Variants in STON2 observed in about 807,000 individuals in gnomAD.
STON2 encodes the protein stonin-2.
STON2 carries 29 observed loss-of-function variants against 65.7 expected under a neutral mutation model. The observed-to-expected ratio is 0.44, with a 90% CI of 0.33 to 0.60. The LOEUF is 0.60. STON2 is among the 20% of genes least tolerant of loss of function. STON2 has a pLI of 0.03. For missense variants in STON2, 1,054 were observed against 1,118.1 expected (o/e 0.94, Z 0.82); for synonymous variants, 404 against 414.2 (o/e 0.98, Z 0.30).
At chr14:81,432,199 ACT>A (rs941412751) in intron 1 of STON2, among the ~76,000 whole-genome samples, 1 of 151,678 alleles carries the variant, frequency 6.6e-6, no homozygotes, top group Admixed American at 6.6e-5. Context: ...AAAAAAAGAC[ACT>A]CTCACTGTGT....
upstream of STON2, among the ~76,000 whole-genome samples, chr14:81,405,287 T>G (rs923214089): frequency 6.6e-5 from 10 of 152,156 alleles, no homozygotes; most frequent in African/African-American, 1.7e-4. Flanking sequence ...CTTATTCAGC[T>G]TTTCCATTTT....
Position 81,398,457 on chromosome 14 carries a change from G to GT in STON2, c.-76dup, listed in dbSNP as rs765412975. On this transcript the variant is annotated 5_prime_UTR_variant, in exon 2 of 8. Transcript: ENST00000614646. ...AGAATACTGTCTGGGGTGGGCTGGA[G>GT]TAGGGGTATGGTAGTACGGTAGACT... is the stretch of plus-strand genomic sequence containing the variant. The GT allele has an allele frequency of 3.3e-6, 4 of 1,197,018 alleles. No individual in the cohort carries two copies. Among genetic ancestry groups the GT allele is most frequent in the Non-Finnish European group, 5.0e-6 (4 of 805,120 alleles). The allele number at this position is 1,197,018 out of a possible 1,614,324, so 74.1% of individuals were successfully genotyped here.
chr14:81,284,752 A>ATT (rs1895268302), intron 5 of STON2, among the ~76,000 whole-genome samples: 1 of 152,236 alleles, frequency 6.6e-6, no homozygotes, highest in African/African-American at 2.4e-5. Context: ...AGAAAAGTCA[A>ATT]TGCCTGGCTT....
At chr14:81,434,405 A>G (rs1902331250) in intron 1 of STON2, among the ~76,000 whole-genome samples, 1 of 152,216 alleles carries the variant, frequency 6.6e-6, no homozygotes. Flanking sequence ...AAGTCCTCTT[A>G]TCAACAACTG....
chr14:81,338,444 C>A (rs553029499), intron 4 of STON2, among the ~76,000 whole-genome samples: 4 of 152,314 alleles, frequency 2.6e-5, no homozygotes, highest in African/African-American at 9.6e-5. Flanking sequence ...TTCCACATGT[C>A]TTGCTCTGTG....
intron 5 of STON2, chr14:81,306,745 T>C (rs908774724): frequency 4.6e-5 from 7 of 152,170 alleles, no homozygotes; most frequent in African/African-American, 1.2e-4. Context: ...TTTCATCTCA[T>C]TGGCTCTTAG....
chr14:81,354,577 G>C (rs756606556), intron 4 of STON2, among the ~76,000 whole-genome samples: 3 of 151,966 alleles, frequency 2.0e-5, no homozygotes, highest in African/African-American at 7.3e-5. Flanking sequence ...TAATTCTCTC[G>C]AAAAAGTTCA....
At chr14:81,311,065 C>G (rs1253290739) in intron 5 of STON2, among the ~76,000 whole-genome samples, 1 of 152,110 alleles carries the variant, frequency 6.6e-6, no homozygotes, top group Non-Finnish European at 1.5e-5. Context: ...AGCTAAAAGG[C>G]AAGTATATGG....
In STON2 at chr14:81,276,929, C is replaced by T. The variant is rs761851874; in HGVS notation, c.2553G>A (p.Arg851=). 1 of 1,613,548 alleles carries T rather than the reference C, an allele frequency of 6.2e-7. No individual in the cohort carries two copies. The highest frequency in any genetic ancestry group is 1.1e-5 in the South Asian group (1 of 91,032). Residue 851 remains arginine (R), a synonymous_variant, in exon 6 of 8, where the codon AGG becomes AGA. Transcript: ENST00000614646. ...YEHAFNSIVW[R]INRLPDKNSA... ...AGTTTTTGTCCGGCAGTCGGTTTATCCTCCACACAATGGAGTTGAAGGCAT... is the reference window on the plus strand; with the variant it reads ...AGTTTTTGTCCGGCAGTCGGTTTATTCTCCACACAATGGAGTTGAAGGCAT...
At chr14:81,392,467 T>C (rs1566940365) in intron 3 of STON2, among the ~76,000 whole-genome samples, 2 of 152,222 alleles carry the variant, frequency 1.3e-5, no homozygotes, top group Non-Finnish European at 2.9e-5. Context: ...TGAATTTTCA[T>C]GGCTGTGGGA....
chr14:81,370,281 C>G (rs1898924716), intron 4 of STON2, among the ~76,000 whole-genome samples: 1 of 152,148 alleles, frequency 6.6e-6, no homozygotes. Flanking sequence ...AAACCAATCT[C>G]TCGGGTCAAA....
intron 5 of STON2, among the ~76,000 whole-genome samples, chr14:81,310,897 A>T (rs1447971397): frequency 6.6e-6 from 1 of 152,144 alleles, no homozygotes; most frequent in African/African-American, 2.4e-5. Flanking sequence ...CTAAATGCAA[A>T]GGCCTTTGAC....
At chr14:81,306,220 CTTTTTTTT>C (rs59730707) in intron 5 of STON2, among the ~76,000 whole-genome samples, 16 of 69,506 alleles carry the variant, frequency 2.3e-4, no homozygotes, top group South Asian at 1.7e-3. Context: ...CATACATACT[CTTTTTTTT>C]TTTTTTTTTT....
chr14:81,264,767 A>G lies in STON2; in HGVS notation c.*3647T>C, dbSNP rs1894291214. The G allele has an allele frequency of 1.0e-6, 1 of 985,452 alleles. No individual in the cohort carries two copies. The highest frequency in any genetic ancestry group is 1.2e-6 in the Non-Finnish European group (1 of 829,936). The allele number at this position is 985,452 out of a possible 1,614,324, so 61.0% of individuals were successfully genotyped here. On this transcript the variant is annotated 3_prime_UTR_variant, in exon 8 of 8. Coordinates refer to ENST00000614646, the MANE Select transcript of STON2 (RefSeq NM_001394390.1). ...TAGAAAAAATGAAACTGTCCAGATA[A>G]TATTTAATATGAATGAAATGCAAAC...
chr14:81,306,167 C>CTCTATATA (rs760274489), intron 5 of STON2, among the ~76,000 whole-genome samples: 7 of 132,306 alleles, frequency 5.3e-5, no homozygotes, highest in African/African-American at 1.9e-4. Context: ...CTCTCTCTCT[C>CTCTATATA]TATATATATA....
At chr14:81,308,785 T>C (rs1245167407) in intron 5 of STON2, among the ~76,000 whole-genome samples, 1 of 17,262 alleles carries the variant, frequency 5.8e-5, no homozygotes, top group African/African-American at 4.7e-4. Flanking sequence ...TTTACCCATA[T>C]ATATATATAT....
rs762042522 is a variant in STON2, at chr14:81,267,483, T to C, written c.*931A>G. On this transcript the variant is annotated 3_prime_UTR_variant, in exon 8 of 8. Coordinates refer to ENST00000614646, the MANE Select transcript of STON2 (RefSeq NM_001394390.1). The stretch of plus-strand genomic sequence containing the variant: ...ATGCAACTGTCTATTGGTCATGAGG[T>C]ATAAAAAGAACTCCCAAATGCCCCT... 2.4e-5 allele frequency: 24 copies of C among 985,192 alleles called. No individual in the cohort carries two copies. Among genetic ancestry groups the C allele is most frequent in the Non-Finnish European group, 2.7e-5 (22 of 829,884 alleles). 61.0% of individuals were successfully genotyped at this position (985,192 alleles called of 1,614,324 possible).
In STON2 at chr14:81,413,664, C is replaced by T. The variant is rs186879672; in HGVS notation, c.-199+13438G>A. Among the ~76,000 whole-genome samples the T allele has an allele frequency of 1.5e-3, 204 of 138,232 alleles. 24 individuals carry two copies. Among genetic ancestry groups the T allele is most frequent in the Admixed American group, 1.5e-3 (21 of 13,858 alleles). The allele number at this position is 138,232 out of a possible 152,430, so 90.7% of individuals were successfully genotyped here. The stretch of plus-strand genomic sequence containing the variant: ...CAAAAAAATTAGCCTGGCATGGTGG[C>T]GTTTGTCTGTGATCCCAGCTACTGG... On this transcript the variant is annotated intron_variant, in intron 2 of 8. Coordinates refer to the STON2 transcript ENST00000553821.
chr14:81,303,645 G>C (rs536521782), intron 5 of STON2, among the ~76,000 whole-genome samples: 6 of 152,206 alleles, frequency 3.9e-5, no homozygotes, highest in Non-Finnish European at 8.8e-5. Flanking sequence ...CTCTTCCTCA[G>C]TGAGCAGATC....
Sources: gnomAD v4.1 joint callset for allele counts (sites outside exome capture counted in the v4.1 genomes callset) on GRCh38, gnomAD v4.1.1 for gene constraint, MANE v1.5 for transcripts, NCBI Gene and HGNC (gene_info 2026-07-23, HGNC 2026-07-21) for gene names.